The following LYRM7 variants were observed in gnomAD, a reference collection of about 807,000 sequenced individuals.
LYRM7 encodes complex III assembly factor LYRM7.
In LYRM7, 9 loss-of-function variants were observed where a neutral mutation model predicts 15.8. The observed-to-expected ratio is 0.57, with a 90% CI of 0.34 to 0.99. The LOEUF (loss-of-function observed/expected upper bound fraction) is 0.99, where lower values mean the gene tolerates loss of function less well. Among genes scored for constraint, LYRM7 ranks in the 50% least tolerant of loss-of-function variants. LYRM7 has a pLI of 0.02. For missense variants in LYRM7, 115 were observed against 119.1 expected (o/e 0.97, Z 0.16); for synonymous variants, 39 against 39.4 (o/e 0.99, Z 0.04).
Position 131,181,507 on chromosome 5 carries a change from A to G in LYRM7, c.92-722A>G, listed in dbSNP as rs189325679. 1.3e-3 allele frequency among the ~76,000 whole-genome samples: 178 copies of G among 142,278 alleles called. 2 individuals carry two copies. The highest frequency in any genetic ancestry group is 4.4e-3 in the African/African-American group (169 of 38,226). The allele number at this position is 142,278 out of a possible 152,430, so 93.3% of individuals were successfully genotyped here. Reference sequence around the variant, plus strand: ...ATATATGTATATATACACACACACAACATAGAAGGAAGTTTTTATGGTAAT... The same window carrying G: ...ATATATGTATATATACACACACACAGCATAGAAGGAAGTTTTTATGGTAAT... On this transcript the variant is annotated intron_variant, in intron 2 of 4. Coordinates refer to ENST00000379380, the MANE Select transcript of LYRM7 (RefSeq NM_181705.4).
At chr5:131,195,835 C>T (rs778213276) in intron 4 of LYRM7, among the ~76,000 whole-genome samples, 12 of 151,834 alleles carry the variant, frequency 7.9e-5, no homozygotes, top group Non-Finnish European at 1.3e-4. Flanking sequence ...CCCTAAACTC[C>T]TATCACCAGG....
In LYRM7 at chr5:131,205,076, C is replaced by T. The variant is rs1756155307; in HGVS notation, c.*5475C>T. On this transcript the variant is annotated 3_prime_UTR_variant, in exon 5 of 5. Coordinates refer to ENST00000379380, the MANE Select transcript of LYRM7 (RefSeq NM_181705.4). ...AGCACACTCATGAACCTAATTCCCA[C>T]ATTTGATAGTTGTTACATTTTGCCA... The T allele has an allele frequency of 1.3e-5, 2 of 152,276 alleles. No individual in the cohort carries two copies. Among genetic ancestry groups the T allele is most frequent in the African/African-American group, 4.8e-5 (2 of 41,432 alleles). The allele number at this position is 152,276 out of a possible 1,614,324, so 9.4% of individuals were successfully genotyped here.
chr5:131,199,395 G>C, intron 4 of LYRM7, 136 bp from the exon 5 acceptor site: 1 of 563,914 alleles, frequency 1.8e-6, no homozygotes, highest in South Asian at 3.0e-5. Flanking sequence ...GATATCAACT[G>C]AAATAAAATA....
intron 4 of LYRM7, among the ~76,000 whole-genome samples, chr5:131,191,832 T>C (rs528802354): frequency 1.3e-5 from 2 of 152,222 alleles, no homozygotes; most frequent in South Asian, 2.1e-4. Flanking sequence ...GAAAACAGTA[T>C]AGAGGTTCCT....
intron 4 of LYRM7, among the ~76,000 whole-genome samples, chr5:131,192,072 CACACACACAA>C (rs1416716325): frequency 6.9e-4 from 92 of 134,112 alleles, no homozygotes; most frequent in African/African-American, 2.8e-3. Flanking sequence ...CACACACACA[CACACACACAA>C]TGCAATATTA....
At chr5:131,180,051 C>T (rs761025526) in intron 1 of LYRM7, 44 bp from the exon 2 acceptor site, 4 of 1,296,358 alleles carry the variant, frequency 3.1e-6, no homozygotes, top group Admixed American at 1.7e-5. Flanking sequence ...GGATTACAGG[C>T]ATGAGCCACT....
Position 131,187,217 on chromosome 5 carries a change from C to G in LYRM7, c.244+108C>G, listed in dbSNP as rs984937397. ...GATAAAACAGCTTGATTTTGCCAGA[C>G]AATATGGTATATAGCATATATATTT... On this transcript the variant is annotated intron_variant, in intron 4 of 4. Coordinates refer to ENST00000379380, the MANE Select transcript of LYRM7 (RefSeq NM_181705.4). 1.2e-5 allele frequency: 8 copies of G among 646,882 alleles called. No individual in the cohort carries two copies. In the African/African-American group the frequency reaches 1.3e-4, roughly 10 times the overall value. 40.1% of individuals were successfully genotyped at this position (646,882 alleles called of 1,614,324 possible).
intron 3 of LYRM7, among the ~76,000 whole-genome samples, chr5:131,183,095 T>A (rs1755739012): frequency 6.6e-6 from 1 of 151,192 alleles, no homozygotes; most frequent in Non-Finnish European, 1.5e-5. Flanking sequence ...TAGAGAAATT[T>A]TCTATGTTCA....
rs1165608200 is a variant in LYRM7, at chr5:131,202,550, G to T, written c.*2949G>T. 1 of 152,868 alleles carries T rather than the reference G, an allele frequency of 6.5e-6. No individual in the cohort carries two copies. The highest frequency in any genetic ancestry group is 6.5e-5 in the Admixed American group (1 of 15,276). 9.5% of individuals were successfully genotyped at this position (152,868 alleles called of 1,614,324 possible). A position where few individuals can be genotyped will look rare whatever the true frequency, so the allele number is the denominator to read the frequency against. On this transcript the variant is annotated 3_prime_UTR_variant, in exon 5 of 5. Transcript: ENST00000379380. ...GTATCTCACCATGTTGCCCAGGCTGGAGTGCAGTAGCTATTCATAGGCACA... is the reference window on the plus strand; with the variant it reads ...GTATCTCACCATGTTGCCCAGGCTGTAGTGCAGTAGCTATTCATAGGCACA...
At position 131,202,553 on chromosome 5, in the gene LYRM7, T is replaced by A. The variant is rs1756090579; in HGVS notation, c.*2952T>A. 1 of 152,870 alleles carries A rather than the reference T, an allele frequency of 6.5e-6. No homozygotes were observed. Among genetic ancestry groups the A allele is most frequent in the Non-Finnish European group, 1.5e-5 (1 of 68,052 alleles). 9.5% of individuals were successfully genotyped at this position (152,870 alleles called of 1,614,324 possible). On this transcript the variant is annotated 3_prime_UTR_variant, in exon 5 of 5. Transcript: ENST00000379380. Reference sequence around the variant, plus strand: ...TCTCACCATGTTGCCCAGGCTGGAGTGCAGTAGCTATTCATAGGCACAGTC... The same window carrying A: ...TCTCACCATGTTGCCCAGGCTGGAGAGCAGTAGCTATTCATAGGCACAGTC...
intron 1 of LYRM7, among the ~76,000 whole-genome samples, chr5:131,176,767 C>G (rs1198540971): frequency 6.6e-6 from 1 of 152,140 alleles, no homozygotes; most frequent in Non-Finnish European, 1.5e-5. Context: ...GTTCTATCCA[C>G]AAAGGCGTAC....
At chr5:131,194,543 C>T (rs1755933702) in intron 4 of LYRM7, among the ~76,000 whole-genome samples, 1 of 152,210 alleles carries the variant, frequency 6.6e-6, no homozygotes, top group Admixed American at 6.5e-5. Context: ...TTAGGTGAAG[C>T]ACACTCACTT....
intron 1 of LYRM7, 81 bp downstream of exon 1, chr5:131,171,119 CTGGAGGCTGGGGCTCCTGACCCTTTA>C (rs1294614010): frequency 2.3e-5 from 32 of 1,372,826 alleles, no homozygotes; most frequent in Non-Finnish European, 2.5e-5. Context: ...TCTGGAGTCT[CTGGAGGCTGGGGCTCCTGACCCTTTA>C]TGGAGGATGT....
At chr5:131,184,647 G>GGGGA (rs1554090164) in intron 3 of LYRM7, among the ~76,000 whole-genome samples, 2 of 145,116 alleles carry the variant, frequency 1.4e-5, no homozygotes, top group Non-Finnish European at 3.0e-5. Context: ...TGGCGGGGGG[G>GGGGA]GGGTTCCAGG....
intron 4 of LYRM7, among the ~76,000 whole-genome samples, chr5:131,188,509 G>A (rs1755833643): frequency 1.3e-5 from 2 of 151,728 alleles, no homozygotes; most frequent in Non-Finnish European, 2.9e-5. Flanking sequence ...TGAATGATGA[G>A]GACCTTTTCA....
chr5:131,173,749 CAAAAAAT>C (rs1755558313), intron 1 of LYRM7, among the ~76,000 whole-genome samples: 1 of 151,970 alleles, frequency 6.6e-6, no homozygotes, highest in Non-Finnish European at 1.5e-5. Flanking sequence ...AACTCCATCT[CAAAAAAT>C]AAAAAATAAG....
chr5:131,190,750 CAA>C (rs1755873460), intron 4 of LYRM7, among the ~76,000 whole-genome samples: 1 of 152,126 alleles, frequency 6.6e-6, no homozygotes, highest in Non-Finnish European at 1.5e-5. Context: ...CTCAGCCTCC[CAA>C]AATGCTGGGT....
intron 4 of LYRM7, among the ~76,000 whole-genome samples, chr5:131,199,007 A>G (rs1756015953): frequency 6.6e-6 from 1 of 152,176 alleles, no homozygotes; most frequent in African/African-American, 2.4e-5. Flanking sequence ...GTTCTTCACT[A>G]TGCCAGACTG....
chr5:131,172,479 G>C (rs1297334780), intron 1 of LYRM7, among the ~76,000 whole-genome samples: 1 of 152,188 alleles, frequency 6.6e-6, no homozygotes, highest in East Asian at 1.9e-4. Flanking sequence ...TTAGAAATTA[G>C]CTAGAGAAGA....
Sources: allele counts gnomAD v4.1 joint callset (sites outside exome capture counted in the v4.1 genomes callset), GRCh38; gene constraint gnomAD v4.1.1; transcripts MANE v1.5; gene names NCBI Gene and HGNC (gene_info 2026-07-23, HGNC 2026-07-21).